FFAR4: variants seen among roughly 807,000 people sequenced by gnomAD.
The protein encoded by FFAR4 is free fatty acid receptor 4.
FFAR4 carries 19 observed loss-of-function variants against 27.0 expected under a neutral mutation model. That is an observed-to-expected ratio of 0.70 (90% CI 0.49 to 1.03). The LOEUF (loss-of-function observed/expected upper bound fraction) is 1.03, where lower values mean the gene tolerates loss of function less well. FFAR4 is among the 50% of genes least tolerant of loss of function. FFAR4 has a pLI of 0.00. For synonymous variants in FFAR4, 254 were observed against 215.6 expected, an observed-to-expected ratio of 1.18 and a Z score of -1.56; for missense variants, 476 against 479.0, an observed-to-expected ratio of 0.99 and a Z score of 0.06.
chr10:93,569,514 A>G (rs746924388), intron 1 of FFAR4, among the ~76,000 whole-genome samples: 5 of 152,116 alleles, frequency 3.3e-5, no homozygotes, highest in Non-Finnish European at 7.4e-5. Flanking sequence ...TGGTGCTTCC[A>G]GAGTGGCCAC....
intron 1 of FFAR4, among the ~76,000 whole-genome samples, chr10:93,575,293 A>G (rs750177504): frequency 1.3e-5 from 2 of 152,258 alleles, no homozygotes; most frequent in Non-Finnish European, 2.9e-5. Context: ...AGACACACAG[A>G]TATATGTCTG....
Position 93,567,239 on chromosome 10 carries a change from C to T in FFAR4, c.519C>T (p.Leu173=), listed in dbSNP as rs776308246. The change falls in exon 1 of 3, where the codon CTC becomes CTT. Residue 173 remains leucine, a synonymous_variant. Coordinates refer to ENST00000371481, the MANE Select transcript of FFAR4 (RefSeq NM_001195755.2). ...WGYSAVAALP[L]CVFFRVVPQR... The stretch of plus-strand genomic sequence containing the variant: ...ATTCGGCGGTCGCCGCTCTGCCTCT[C>T]TGCGTCTTCTTCCGAGTCGTCCCGC... 2 of 1,601,310 alleles carry T rather than the reference C, an allele frequency of 1.2e-6. No homozygotes were observed. The highest frequency in any genetic ancestry group is 1.7e-5 in the Admixed American group (1 of 59,978).
chr10:93,582,524 A>T (rs1251532348), intron 2 of FFAR4, among the ~76,000 whole-genome samples: 1 of 147,132 alleles, frequency 6.8e-6, no homozygotes, highest in Non-Finnish European at 1.5e-5. Flanking sequence ...AGCCTGGGCA[A>T]CAAGAGCGAA....
In FFAR4 at chr10:93,567,219, G is replaced by A; in HGVS notation, c.499G>A (p.Ala167Thr). The A allele has an allele frequency of 6.2e-7, 1 of 1,601,628 alleles. No individual in the cohort carries two copies. Among genetic ancestry groups the A allele is most frequent in the East Asian group, 2.2e-5 (1 of 44,842 alleles). ...VLLALIWGYSAVAALPLCVFF... is the reference protein window; with the variant it reads ...VLLALIWGYSTVAALPLCVFF... ...GCTGGCGCTCATCTGGGGCTATTCG[G>A]CGGTCGCCGCTCTGCCTCTCTGCGT... The change falls in exon 1 of 3, where the codon GCG (alanine) becomes ACG (threonine). Residue 167 changes from alanine to threonine, a missense_variant. Coordinates refer to ENST00000371481, the MANE Select transcript of FFAR4 (RefSeq NM_001195755.2).
In FFAR4 at chr10:93,567,207, T is replaced by C; in HGVS notation, c.487T>C (p.Trp163Arg). Residue 163 changes from tryptophan to arginine, a missense_variant, in exon 1 of 3, where the codon TGG (tryptophan) becomes CGG (arginine). Trp to Arg is a moderately radical substitution (Grantham distance 101). Transcript: ENST00000371481. ...RARAVLLALI[W>R]GYSAVAALPL... is the part of the protein sequence containing the mutation. Reference sequence around the variant, plus strand: ...GCGGGCAGTGCTGCTGGCGCTCATCTGGGGCTATTCGGCGGTCGCCGCTCT... The same window carrying C: ...GCGGGCAGTGCTGCTGGCGCTCATCCGGGGCTATTCGGCGGTCGCCGCTCT... 1 of 1,602,888 alleles carries C rather than the reference T, an allele frequency of 6.2e-7. No homozygotes were observed. The highest frequency in any genetic ancestry group is 1.1e-5 in the South Asian group (1 of 90,928).
intron 1 of FFAR4, among the ~76,000 whole-genome samples, chr10:93,573,331 T>A (rs1011199262): frequency 6.6e-6 from 1 of 152,254 alleles, no homozygotes; most frequent in Non-Finnish European, 1.5e-5. Flanking sequence ...CTGCCACTTT[T>A]GTTTTCCAAG....
chr10:93,568,309 A>G (rs17108951), intron 1 of FFAR4, among the ~76,000 whole-genome samples: 12,046 of 152,156 alleles, frequency 0.079, 1,044 homozygotes, highest in African/African-American at 0.21. Flanking sequence ...AGATAGAGAA[A>G]GGACTTAGGT....
chr10:93,583,168 C>CG (rs2058208294), intron 2 of FFAR4, among the ~76,000 whole-genome samples: 1 of 149,050 alleles, frequency 6.7e-6, no homozygotes, highest in East Asian at 2.0e-4. Context: ...TTTGGGAGGC[C>CG]AAGGCGGGTG....
Position 93,588,461 on chromosome 10 carries a change from A to T in FFAR4, c.*852A>T, listed in dbSNP as rs1424181187. ...TTAAGAGAATCGGCATCATGAAATG[A>T]GAGAGAAAGTAGGATGGCTCTGAAA... is the stretch of plus-strand genomic sequence containing the variant. On this transcript the variant is annotated 3_prime_UTR_variant, in exon 3 of 3. Coordinates refer to ENST00000371481, the MANE Select transcript of FFAR4 (RefSeq NM_001195755.2). 2.0e-5 allele frequency: 3 copies of T among 151,592 alleles called. No individual in the cohort carries two copies. Among genetic ancestry groups the T allele is most frequent in the Non-Finnish European group, 4.4e-5 (3 of 67,958 alleles). The allele number at this position is 151,592 out of a possible 1,614,324, so 9.4% of individuals were successfully genotyped here. A position where few individuals can be genotyped will look rare whatever the true frequency, so the allele number is the denominator to read the frequency against.
chr10:93,568,303 A>G (rs1420969104), intron 1 of FFAR4, among the ~76,000 whole-genome samples: 4 of 152,072 alleles, frequency 2.6e-5, no homozygotes, highest in Admixed American at 6.5e-5. Context: ...GGAGAGAGAT[A>G]GAGAAAGGAC....
chr10:93,582,511 T>G (rs1009241693), intron 2 of FFAR4, among the ~76,000 whole-genome samples: 5 of 127,708 alleles, frequency 3.9e-5, no homozygotes, highest in African/African-American at 1.5e-4. Context: ...ACTATTGCAC[T>G]CCAGCCTGGG....
intron 1 of FFAR4, among the ~76,000 whole-genome samples, chr10:93,568,793 G>A (rs903789835): frequency 8.5e-5 from 13 of 152,116 alleles, no homozygotes; most frequent in African/African-American, 2.9e-4. Context: ...TCTAATGCTT[G>A]TGTGGAATAC....
At chr10:93,576,308 C>T in intron 2 of FFAR4, 89 bp downstream of exon 2, 1 of 1,389,514 alleles carries the variant, frequency 7.2e-7, no homozygotes, top group Admixed American at 1.7e-5. Context: ...CGGAGAACAC[C>T]TAAGAGTTCA....
In FFAR4 at chr10:93,587,359, C is replaced by CCAT. The variant is rs1268374501; in HGVS notation, c.845_847dup (p.Ile282dup). 1 of 1,614,052 alleles carries CCAT rather than the reference C, an allele frequency of 6.2e-7. No individual in the cohort carries two copies. The highest frequency in any genetic ancestry group is 1.1e-5 in the South Asian group (1 of 91,064). ...GTCTCCTTCTTCATCATGTGGAGCC[C>CCAT]CATCATCATCACCATCCTCCTCATC... On this transcript the variant is annotated inframe_insertion, in exon 3 of 3. Transcript: ENST00000371481.
rs1454447650 is a variant in FFAR4, at chr10:93,576,299, G to A, written c.696+80G>A. On this transcript the variant is annotated intron_variant, in intron 2 of 2. Coordinates refer to ENST00000371481, the MANE Select transcript of FFAR4 (RefSeq NM_001195755.2). ...TGCTAGAATCTTAGAATTTGGGGTC[G>A]GAGAACACCTAAGAGTTCACGCCAG... The A allele has an allele frequency of 2.6e-5, 39 of 1,475,780 alleles. 1 individual carries two copies. The highest frequency in any genetic ancestry group is 5.8e-5 in the South Asian group (5 of 86,912). 91.4% of individuals were successfully genotyped at this position (1,475,780 alleles called of 1,614,324 possible). A position where few individuals can be genotyped will look rare whatever the true frequency, so the allele number is the denominator to read the frequency against.
In FFAR4 at chr10:93,567,061, T is replaced by C; in HGVS notation, c.341T>C (p.Leu114Pro). 6.2e-7 allele frequency: 1 copy of C among 1,611,400 alleles called. No homozygotes were observed. The highest frequency in any genetic ancestry group is 1.1e-5 in the South Asian group (1 of 91,032). ...WLLGPVACHLLFYVMTLSGSV... is the reference protein window; with the variant it reads ...WLLGPVACHLPFYVMTLSGSV... ...CTGGGCCCCGTTGCCTGCCACCTGC[T>C]CTTCTACGTGATGACCCTGAGCGGC... The change falls in exon 1 of 3, where the codon CTC (leucine) becomes CCC (proline). Residue 114 changes from leucine (L) to proline (P), a missense_variant. Transcript: ENST00000371481.
intron 1 of FFAR4, among the ~76,000 whole-genome samples, chr10:93,570,188 T>TCACA (rs76165485): frequency 0.033 from 4,867 of 148,726 alleles, 130 homozygotes; most frequent in East Asian, 0.11. Flanking sequence ...TCTGTCTCTC[T>TCACA]CACACACACA....
intron 2 of FFAR4, among the ~76,000 whole-genome samples, chr10:93,583,996 C>T (rs2058213654): frequency 6.6e-6 from 1 of 152,156 alleles, no homozygotes; most frequent in Non-Finnish European, 1.5e-5. Flanking sequence ...CCTTGTGGGT[C>T]CCCCAGCCTG....
intron 2 of FFAR4, among the ~76,000 whole-genome samples, chr10:93,578,395 C>T (rs375806362): frequency 1.0e-5 from 1 of 98,018 alleles, no homozygotes. Flanking sequence ...CCAGCCTGGG[C>T]AACAAAGTGA....
Sources: allele counts gnomAD v4.1 joint callset (sites outside exome capture counted in the v4.1 genomes callset), GRCh38; gene constraint gnomAD v4.1.1; transcripts MANE v1.5; gene names NCBI Gene and HGNC (gene_info 2026-07-23, HGNC 2026-07-21).